XKR6: variants seen among roughly 807,000 people sequenced by gnomAD.
The protein encoded by XKR6 is XK related 6, also known as XK-related protein 6.
A neutral mutation model predicts 56.7 loss-of-function variants in XKR6; 22 were observed. That is an observed-to-expected ratio of 0.39 (90% CI 0.28 to 0.55). The LOEUF (loss-of-function observed/expected upper bound fraction) is 0.55. Ranked by LOEUF, XKR6 falls within the 20% of genes least tolerant of loss-of-function variation. The pLI is 0.66. For synonymous variants in XKR6, 524 were observed against 387.8 expected, an observed-to-expected ratio of 1.35 and a Z score of -4.13; for missense variants, 852 against 889.0, an observed-to-expected ratio of 0.96 and a Z score of 0.53.
At position 11,066,250 on chromosome 8, in the gene XKR6, C is replaced by G. The variant is rs185757117; in HGVS notation, c.764+134326G>C. Among the ~76,000 whole-genome samples the G allele has an allele frequency of 5.3e-5, 8 of 152,376 alleles. No homozygotes were observed. In the East Asian group the frequency reaches 1.5e-3, roughly 29 times the overall value. ...TTCTCACCCCCTCTCTCCTGTCAAA[C>G]TGATCTGGTCTCTGCCTGTTCGAAA... is the stretch of plus-strand genomic sequence containing the variant. On this transcript the variant is annotated intron_variant, in intron 1 of 2. Coordinates refer to ENST00000416569, the MANE Select transcript of XKR6 (RefSeq NM_173683.4).
chr8:11,059,359 G>A (rs1166931977), intron 1 of XKR6, among the ~76,000 whole-genome samples: 20 of 152,324 alleles, frequency 1.3e-4, no homozygotes, highest in Non-Finnish European at 2.6e-4. Flanking sequence ...TCTGGCTTGC[G>A]TTTTCCCTCT....
chr8:11,143,350 C>A (rs1243519986), intron 1 of XKR6, among the ~76,000 whole-genome samples: 1 of 152,120 alleles, frequency 6.6e-6, no homozygotes, highest in Non-Finnish European at 1.5e-5. Context: ...CTTTAAAACA[C>A]ACAAAAAAGA....
chr8:11,179,412 T>C (rs545404923), intron 1 of XKR6, among the ~76,000 whole-genome samples: 48 of 152,176 alleles, frequency 3.2e-4, no homozygotes, highest in Non-Finnish European at 5.0e-4. Context: ...AGTCAAGAGA[T>C]TAAAACCACC....
intron 1 of XKR6, among the ~76,000 whole-genome samples, chr8:11,133,139 G>A (rs955359291): frequency 1.3e-5 from 2 of 152,042 alleles, no homozygotes; most frequent in East Asian, 1.9e-4. Context: ...AGAGGGTGTG[G>A]GTACGAGGAA....
intron 1 of XKR6, among the ~76,000 whole-genome samples, chr8:10,988,626 G>A (rs190073377): frequency 6.8e-4 from 104 of 152,316 alleles, no homozygotes; most frequent in Non-Finnish European, 1.4e-3. Context: ...ATCTACTGCT[G>A]ACAAGGGCAC....
intron 1 of XKR6, among the ~76,000 whole-genome samples, chr8:11,165,089 CCTTTTT>C (rs1448225747): frequency 9.6e-6 from 1 of 104,226 alleles, no homozygotes; most frequent in Non-Finnish European, 2.1e-5. Context: ...TAGGCTATCA[CCTTTTT>C]TTTTTTTTTT....
At chr8:11,068,664 C>G (rs1215404745) in intron 1 of XKR6, among the ~76,000 whole-genome samples, 1 of 152,160 alleles carries the variant, frequency 6.6e-6, no homozygotes, top group African/African-American at 2.4e-5. Context: ...CTCCTCTGCA[C>G]ACAGCCTGCC....
intron 1 of XKR6, among the ~76,000 whole-genome samples, chr8:10,952,704 G>T (rs1801762409): frequency 6.6e-6 from 1 of 152,214 alleles, no homozygotes; most frequent in Non-Finnish European, 1.5e-5. Context: ...AGTCCCCAGT[G>T]CTGGAGGTGG....
chr8:10,925,486 C>A (rs1409994337), intron 1 of XKR6, among the ~76,000 whole-genome samples: 1 of 152,180 alleles, frequency 6.6e-6, no homozygotes, highest in Non-Finnish European at 1.5e-5. Flanking sequence ...GGACCCAGGG[C>A]CTGCCATGGA....
chr8:10,907,044 C>G (rs1800205917), intron 2 of XKR6, among the ~76,000 whole-genome samples: 1 of 151,192 alleles, frequency 6.6e-6, no homozygotes, highest in South Asian at 2.1e-4. Flanking sequence ...AAGACTCCAT[C>G]TCAGAAAAAA....
At chr8:10,994,087 C>A (rs1798055890) in intron 1 of XKR6, among the ~76,000 whole-genome samples, 1 of 152,234 alleles carries the variant, frequency 6.6e-6, no homozygotes, top group African/African-American at 2.4e-5. Context: ...TTGCCACCCC[C>A]TGAACATGGT....
At chr8:10,957,872 C>T (rs893255660) in intron 1 of XKR6, among the ~76,000 whole-genome samples, 4 of 151,772 alleles carry the variant, frequency 2.6e-5, no homozygotes, top group East Asian at 3.9e-4. Context: ...ACAACAATAT[C>T]GAATCTAAAA....
Position 10,955,995 on chromosome 8 carries a change from G to T in XKR6, c.765-31165C>A, listed in dbSNP as rs1801874970. The stretch of plus-strand genomic sequence containing the variant: ...GAGGGTGAGGGCAAGACAACAGAAA[G>T]ATGGAGAAGAATGGGCAGGAACCCA... On this transcript the variant is annotated intron_variant, in intron 1 of 2. Transcript: ENST00000416569. Among the ~76,000 whole-genome samples, 2 of 152,232 alleles carry T rather than the reference G, an allele frequency of 1.3e-5. 1 individual carries two copies. Among genetic ancestry groups the T allele is most frequent in the South Asian group, 4.1e-4 (2 of 4,836 alleles).
intron 1 of XKR6, among the ~76,000 whole-genome samples, chr8:10,972,092 T>A (rs1183128539): frequency 6.6e-6 from 1 of 152,176 alleles, no homozygotes; most frequent in Admixed American, 6.5e-5. Flanking sequence ...CGAGTGCCAA[T>A]CGCCTCTGGC....
At chr8:11,175,822 G>T (rs757671831) in intron 1 of XKR6, among the ~76,000 whole-genome samples, 1 of 151,992 alleles carries the variant, frequency 6.6e-6, no homozygotes, top group Non-Finnish European at 1.5e-5. Flanking sequence ...CTACACATCC[G>T]TCCGTCAACA....
chr8:10,979,385 G>C (rs1292914428), intron 1 of XKR6, among the ~76,000 whole-genome samples: 1 of 151,966 alleles, frequency 6.6e-6, no homozygotes, highest in Non-Finnish European at 1.5e-5. Flanking sequence ...GGGTCCCAGT[G>C]GCCCCAGGCA....
At chr8:11,048,086 C>G (rs1050158924) in intron 1 of XKR6, among the ~76,000 whole-genome samples, 2 of 152,162 alleles carry the variant, frequency 1.3e-5, no homozygotes, top group African/African-American at 2.4e-5. Context: ...AGGGGACTGT[C>G]TGTATCCTTC....
intron 1 of XKR6, among the ~76,000 whole-genome samples, chr8:11,014,836 C>G (rs1486355208): frequency 2.0e-5 from 3 of 152,136 alleles, no homozygotes; most frequent in Non-Finnish European, 4.4e-5. Flanking sequence ...CCCCCTGAAT[C>G]CAAAATTAAT....
At chr8:10,957,692 C>T (rs1303224919) in intron 1 of XKR6, among the ~76,000 whole-genome samples, 3 of 152,178 alleles carry the variant, frequency 2.0e-5, no homozygotes, top group African/African-American at 7.2e-5. Context: ...CCCCATCCCT[C>T]CTGGCCATCC....
Sources: allele counts gnomAD v4.1 joint callset (sites outside exome capture counted in the v4.1 genomes callset), GRCh38; gene constraint gnomAD v4.1.1; transcripts MANE v1.5; gene names NCBI Gene and HGNC (gene_info 2026-07-23, HGNC 2026-07-21).